CMKLR2: variants seen among roughly 807,000 people sequenced by gnomAD.
The protein encoded by CMKLR2 is chemerin-like receptor 2.
A neutral mutation model predicts 23.0 loss-of-function variants in CMKLR2; 18 were observed. That is an observed-to-expected ratio of 0.78 (90% CI 0.54 to 1.16). CMKLR2 has a LOEUF of 1.16. Ranked by LOEUF, CMKLR2 falls within the 50% of genes most tolerant of loss-of-function variation. The pLI is 0.00. For synonymous variants in CMKLR2, 158 were observed against 158.9 expected (o/e 0.99, Z 0.05); for missense variants, 401 against 412.7 (o/e 0.97, Z 0.25).
intron 1 of CMKLR2, among the ~76,000 whole-genome samples, chr2:206,178,247 AG>A (rs1688294766): frequency 6.6e-6 from 1 of 152,158 alleles, no homozygotes; most frequent in African/African-American, 2.4e-5. Context: ...CCTGGGCAAC[AG>A]AGCAGGACCC....
chr2:206,201,159 C>T lies in CMKLR2; in HGVS notation c.-29+12148G>A, dbSNP rs374662344. On this transcript the variant is annotated intron_variant, in intron 1 of 1. Transcript: ENST00000621141. ...CAGCGATGGGGTTTTACCATGTTGGCCAGTCTGATCTCAAACTTCTGACCT... is the reference window on the plus strand; with the variant it reads ...CAGCGATGGGGTTTTACCATGTTGGTCAGTCTGATCTCAAACTTCTGACCT... 2.6e-5 allele frequency among the ~76,000 whole-genome samples: 4 copies of T among 152,034 alleles called. No homozygotes were observed. In the East Asian group the frequency reaches 5.8e-4, roughly 22 times the overall value.
chr2:206,176,937 G>T lies in CMKLR2; in HGVS notation c.311C>A (p.Pro104His). The change falls in exon 2 of 2, where the codon CCC becomes CAC. Residue 104 changes from proline to histidine, a missense_variant. Coordinates refer to ENST00000621141, the MANE Select transcript of CMKLR2 (RefSeq NM_001389445.1). Reference sequence around the variant, plus strand: ...GGCTTTGCACAGCCAGATGCCAAAGGGCCAGTGGAAATTCATGGCCACATA... The same window carrying T: ...GGCTTTGCACAGCCAGATGCCAAAGTGCCAGTGGAAATTCATGGCCACATA... ...ISYVAMNFHW[P>H]FGIWLCKANS... 6.2e-7 allele frequency: 1 copy of T among 1,614,182 alleles called. No homozygotes were observed. Among genetic ancestry groups the T allele is most frequent in the South Asian group, 1.1e-5 (1 of 91,078 alleles).
At chr2:206,214,866 C>T (rs925174234), upstream of CMKLR2, among the ~76,000 whole-genome samples, 1 of 151,646 alleles carries the variant, frequency 6.6e-6, no homozygotes, top group African/African-American at 2.4e-5. Flanking sequence ...ACCTCGTGAT[C>T]CGCCCGCCTC....
At chr2:206,215,521 T>A (rs1689727109), upstream of CMKLR2, among the ~76,000 whole-genome samples, 1 of 152,212 alleles carries the variant, frequency 6.6e-6, no homozygotes, top group African/African-American at 2.4e-5. Flanking sequence ...TTAAGCACAG[T>A]ACACACTGAA....
chr2:206,185,934 A>C (rs1002937340), intron 1 of CMKLR2, among the ~76,000 whole-genome samples: 4 of 152,118 alleles, frequency 2.6e-5, no homozygotes, highest in Admixed American at 1.3e-4. Flanking sequence ...GCCACCTTGC[A>C]CCAAGTAAAT....
intron 1 of CMKLR2, among the ~76,000 whole-genome samples, chr2:206,212,000 A>G (rs77585733): frequency 0.08 from 12,144 of 152,138 alleles, 628 homozygotes; most frequent in Admixed American, 0.18. Flanking sequence ...TTCTTCTGTC[A>G]ATTTCATTTG....
intron 1 of CMKLR2, among the ~76,000 whole-genome samples, chr2:206,182,713 C>A (rs539836346): frequency 6.6e-6 from 1 of 151,944 alleles, no homozygotes; most frequent in Non-Finnish European, 1.5e-5. Context: ...CTTTGTCCCC[C>A]GAGTTCAAGT....
chr2:206,187,539 CTTAAAT>C (rs1688619982), intron 1 of CMKLR2, among the ~76,000 whole-genome samples: 1 of 152,170 alleles, frequency 6.6e-6, no homozygotes, highest in Admixed American at 6.5e-5. Context: ...TTTCTGCCGA[CTTAAAT>C]TTAAGGGCCT....
At chr2:206,217,870 G>A (rs1338419628), upstream of CMKLR2, 2 of 152,254 alleles carry the variant, frequency 1.3e-5, no homozygotes, top group Admixed American at 6.5e-5. Flanking sequence ...AGTTTTCAGG[G>A]CTCTGGGCTC....
intron 1 of CMKLR2, among the ~76,000 whole-genome samples, chr2:206,208,963 G>A (rs1402678939): frequency 6.6e-6 from 1 of 152,094 alleles, no homozygotes; most frequent in Non-Finnish European, 1.5e-5. Flanking sequence ...GGGCCATTAG[G>A]CCCAGCCTTC....
intron 1 of CMKLR2, among the ~76,000 whole-genome samples, chr2:206,210,284 T>C (rs1423269838): frequency 6.6e-6 from 1 of 152,154 alleles, no homozygotes; most frequent in East Asian, 1.9e-4. Context: ...CTGCTGAGGA[T>C]AATGGCTTCC....
chr2:206,204,441 G>A (rs190055464), intron 1 of CMKLR2, among the ~76,000 whole-genome samples: 63 of 151,220 alleles, frequency 4.2e-4, no homozygotes, highest in African/African-American at 1.5e-3. Context: ...TATTTCACAT[G>A]ACTTACATGA....
rs1316926596 is a variant in CMKLR2 at position 206,175,950 on chromosome 2, C to T, written c.*230G>A. 2.5e-6 allele frequency: 1 copy of T among 393,202 alleles called. No homozygotes were observed. Among genetic ancestry groups the T allele is most frequent in the Non-Finnish European group, 4.5e-6 (1 of 222,596 alleles). The allele number at this position is 393,202 out of a possible 1,614,324, so 24.4% of individuals were successfully genotyped here. A position where few individuals can be genotyped will look rare whatever the true frequency, so the allele number is the denominator to read the frequency against. ...GCAGAAAAAAATTATGCGGATCCTT[C>T]CTAAGTATTTTCAGTTTTTTAAAAA... On this transcript the variant is annotated 3_prime_UTR_variant, in exon 2 of 2. Coordinates refer to ENST00000621141, the MANE Select transcript of CMKLR2 (RefSeq NM_001389445.1).
chr2:206,216,950 C>A (rs981898203), upstream of CMKLR2, among the ~76,000 whole-genome samples: 1 of 152,108 alleles, frequency 6.6e-6, no homozygotes, highest in African/African-American at 2.4e-5. Flanking sequence ...CTCTTTCTTG[C>A]ATGACGTTAA....
intron 1 of CMKLR2, among the ~76,000 whole-genome samples, chr2:206,202,898 A>G (rs1347746030): frequency 6.6e-6 from 1 of 151,448 alleles, no homozygotes; most frequent in African/African-American, 2.4e-5. Flanking sequence ...TTCCTTTCCT[A>G]TTGCGGACAC....
upstream of CMKLR2, among the ~76,000 whole-genome samples, chr2:206,214,826 C>T (rs1171517827): frequency 6.6e-6 from 1 of 151,758 alleles, no homozygotes; most frequent in Non-Finnish European, 1.5e-5. Context: ...GGGGTTTCAC[C>T]ATGTTAGCCA....
rs763717829 is a variant in CMKLR2, at chr2:206,176,319, T to G, written c.929A>C (p.Lys310Thr). The G allele has an allele frequency of 6.2e-6, 10 of 1,614,164 alleles. No individual in the cohort carries two copies. Among genetic ancestry groups the G allele is most frequent in the Non-Finnish European group, 5.9e-6 (7 of 1,180,032 alleles). ...NPILYVLISKKFQARFRSSVA... is the reference protein window; with the variant it reads ...NPILYVLISKTFQARFRSSVA... ...TGAGGACCGGAAGCGAGCTTGGAAC[T>G]TCTTACTAATTAGGACATAAAGGAT... Residue 310 changes from lysine to threonine, a missense_variant, in exon 2 of 2, where the codon AAG (lysine) becomes ACG (threonine). Transcript: ENST00000621141.
intron 1 of CMKLR2, among the ~76,000 whole-genome samples, chr2:206,206,689 TG>T (rs1338678201): frequency 6.6e-6 from 1 of 152,196 alleles, no homozygotes; most frequent in East Asian, 1.9e-4. Context: ...CCTGTGGTTT[TG>T]CTTACCTTCA....
At chr2:206,195,218 C>G (rs993067966) in intron 1 of CMKLR2, among the ~76,000 whole-genome samples, 2 of 152,108 alleles carry the variant, frequency 1.3e-5, no homozygotes, top group African/African-American at 4.8e-5. Context: ...AGAAAGAACT[C>G]TGCAGGGTGA....
Sources: gnomAD v4.1 joint callset for allele counts (sites outside exome capture counted in the v4.1 genomes callset) on GRCh38, gnomAD v4.1.1 for gene constraint, MANE v1.5 for transcripts, NCBI Gene and HGNC (gene_info 2026-07-23, HGNC 2026-07-21) for gene names.